ZC3H3: variants seen among roughly 807,000 people sequenced by gnomAD.
ZC3H3 encodes zinc finger CCCH-type containing 3, also known as zinc finger CCCH domain-containing protein 3.
ZC3H3 carries 36 observed loss-of-function variants against 77.3 expected under a neutral mutation model. The ratio of observed to expected loss-of-function variants is 0.47; its 90% CI spans 0.36 to 0.61. The LOEUF (loss-of-function observed/expected upper bound fraction) is 0.61. Among genes scored for constraint, ZC3H3 ranks in the 20% least tolerant of loss-of-function variants. The probability of loss-of-function intolerance (pLI) is 0.00; values close to 1 mark genes in which losing one functional copy is unlikely to be tolerated. For missense variants in ZC3H3, 1,331 were observed against 1,312.2 expected (o/e 1.01, Z -0.22); for synonymous variants, 626 against 555.2 (o/e 1.13, Z -1.79).
Position 143,538,966 on chromosome 8 carries a change from C to T in ZC3H3, c.401G>A (p.Gly134Asp). 1 of 1,613,072 alleles carries T rather than the reference C, an allele frequency of 6.2e-7. No homozygotes were observed. The highest frequency in any genetic ancestry group is 8.5e-7 in the Non-Finnish European group (1 of 1,180,032). ...VIKVKPPSKS[G>D]SASASGAQRG... ...CTGGGCCCCTGAGGCACTGGCAGAG[C>T]CAGACTTTGATGGCGGTTTAACTTT... Residue 134 changes from glycine to aspartate, a missense_variant, in exon 2 of 12, where the codon GGC (glycine) becomes GAC (aspartate). Gly to Asp is a moderately conservative substitution (Grantham distance 94, BLOSUM62 -1). Coordinates refer to ENST00000262577, the MANE Select transcript of ZC3H3 (RefSeq NM_015117.3).
chr8:143,478,503 T>A (rs1276110856), intron 4 of ZC3H3, among the ~76,000 whole-genome samples: 1 of 152,128 alleles, frequency 6.6e-6, no homozygotes, highest in Non-Finnish European at 1.5e-5. Context: ...ATGCCCCCGC[T>A]CCTTCTTATT....
rs752256247 is a variant in ZC3H3 at position 143,536,242 on chromosome 8, C to G, written c.1561+15G>C. 1.4e-5 allele frequency: 22 copies of G among 1,605,972 alleles called. No homozygotes were observed. The highest frequency in any genetic ancestry group is 1.9e-5 in the Non-Finnish European group (22 of 1,178,096). ...GGCCCAGCCCCAGTGCCCAGCGCCCCTGCTCCCAGCATACCTTCCTTGGTG... is the reference window on the plus strand; with the variant it reads ...GGCCCAGCCCCAGTGCCCAGCGCCCGTGCTCCCAGCATACCTTCCTTGGTG... On this transcript the variant is annotated intron_variant, in intron 3 of 11. Coordinates refer to ENST00000262577, the MANE Select transcript of ZC3H3 (RefSeq NM_015117.3).
chr8:143,519,932 C>T (rs942258933), intron 3 of ZC3H3, among the ~76,000 whole-genome samples: 1 of 152,174 alleles, frequency 6.6e-6, no homozygotes, highest in African/African-American at 2.4e-5. Flanking sequence ...CTGCGCCAGC[C>T]CCATGCCATC....
rs2129976051 is a variant in ZC3H3, at chr8:143,493,864, GAATC to G, written c.1715+13878_1715+13881del. 6.6e-6 allele frequency among the ~76,000 whole-genome samples: 1 copy of G among 152,300 alleles called. No individual in the cohort carries two copies. Among genetic ancestry groups the G allele is most frequent in the African/African-American group, 2.4e-5 (1 of 41,548 alleles). On this transcript the variant is annotated intron_variant, in intron 4 of 11. Coordinates refer to ENST00000262577, the MANE Select transcript of ZC3H3 (RefSeq NM_015117.3). This position sits in a 1 kb window ranked among gnomAD's most constrained non-coding sequence, Gnocchi z 4.8. ...TGGTTTAAATTGAAAACCCCCAACT[GAATC>G]AATATTTACTGCATTGAAACGAAAT...
At chr8:143,443,774 C>T (rs1210735730) in intron 9 of ZC3H3, among the ~76,000 whole-genome samples, 1 of 152,174 alleles carries the variant, frequency 6.6e-6, no homozygotes, top group African/African-American at 2.4e-5. Context: ...ACTAAAGATG[C>T]TGCAGATGAT....
At chr8:143,447,588 T>C (rs1292033006) in intron 9 of ZC3H3, among the ~76,000 whole-genome samples, 1 of 152,008 alleles carries the variant, frequency 6.6e-6, no homozygotes, top group Non-Finnish European at 1.5e-5. Context: ...GACTGGGCAA[T>C]GTATAAAGAA....
intron 9 of ZC3H3, among the ~76,000 whole-genome samples, chr8:143,450,283 C>T (rs892328710): frequency 4.6e-5 from 7 of 152,206 alleles, no homozygotes; most frequent in Non-Finnish European, 7.3e-5. Context: ...CAGGTTCGAC[C>T]GATTCTCATG....
At chr8:143,440,900 C>T (rs1273544214) in intron 10 of ZC3H3, 36 bp downstream of exon 10, 2 of 1,365,756 alleles carry the variant, frequency 1.5e-6, no homozygotes, top group Non-Finnish European at 1.9e-6. Flanking sequence ...AGGGGGCCAC[C>T]CAGGCTCACA....
At chr8:143,442,449 A>AGGGGGGGGGG (rs1563831552) in intron 9 of ZC3H3, among the ~76,000 whole-genome samples, 4 of 79,864 alleles carry the variant, frequency 5.0e-5, no homozygotes, top group Admixed American at 4.2e-4. Context: ...GGGGGGGGGC[A>AGGGGGGGGGG]GGGGCAGTGG....
chr8:143,439,937 C>T, intron 11 of ZC3H3, 104 bp downstream of exon 11: 1 of 680,614 alleles, frequency 1.5e-6, no homozygotes, highest in Non-Finnish European at 2.0e-6. Flanking sequence ...CTACCTGAGT[C>T]CTTGCTGAGG....
rs917418895 is a variant in ZC3H3, at chr8:143,493,446, G to A, written c.1715+14300C>T. Among the ~76,000 whole-genome samples the A allele has an allele frequency of 3.9e-5, 6 of 152,184 alleles. No individual in the cohort carries two copies. The highest frequency in any genetic ancestry group is 2.1e-4 in the South Asian group (1 of 4,836). ...TTCCCTACCCCAAACCACCAAGGCC[G>A]AGGCTGCAGGAGGGGTCTGGCCCTC... On this transcript the variant is annotated intron_variant, in intron 4 of 11. Transcript: ENST00000262577. This position sits in a 1 kb window ranked among gnomAD's most constrained non-coding sequence, Gnocchi z 4.8.
chr8:143,510,404 T>C (rs1217024284), intron 3 of ZC3H3, among the ~76,000 whole-genome samples: 1 of 152,198 alleles, frequency 6.6e-6, no homozygotes, highest in Non-Finnish European at 1.5e-5. Context: ...GTCCCTGTCA[T>C]TCCCAGATGG....
chr8:143,535,348 T>G (rs1056912777), intron 3 of ZC3H3, among the ~76,000 whole-genome samples: 1 of 152,122 alleles, frequency 6.6e-6, no homozygotes, highest in Admixed American at 6.5e-5. Context: ...CTTGGCTAGA[T>G]TTCTGAGCAC....
In ZC3H3 at chr8:143,460,765, G is replaced by A. The variant is rs545673237; in HGVS notation, c.2307+4952C>T. Among the ~76,000 whole-genome samples the A allele has an allele frequency of 2.0e-5, 3 of 152,318 alleles. No individual in the cohort carries two copies. The highest frequency in any genetic ancestry group is 7.2e-5 in the African/African-American group (3 of 41,566). On this transcript the variant is annotated intron_variant, in intron 9 of 11. Transcript: ENST00000262577. This position sits in a 1 kb window ranked among gnomAD's most constrained non-coding sequence, Gnocchi z 4.0. ...GTGAACCCTGGAAACATTATGCCGG[G>A]TGAAAGATGCCAGACACCAAAGGAC...
At chr8:143,523,960 GC>G (rs1206725434) in intron 3 of ZC3H3, among the ~76,000 whole-genome samples, 2 of 152,216 alleles carry the variant, frequency 1.3e-5, no homozygotes, top group African/African-American at 4.8e-5. Flanking sequence ...GGCCAGCCAA[GC>G]CCCCGGGGCA....
intron 1 of ZC3H3, among the ~76,000 whole-genome samples, chr8:143,539,665 G>A (rs987132220): frequency 3.3e-5 from 5 of 152,150 alleles, no homozygotes; most frequent in Non-Finnish European, 7.3e-5. Flanking sequence ...GAAGAGAATC[G>A]CAATGATCCC....
chr8:143,485,336 G>A (rs1821023940), intron 4 of ZC3H3, among the ~76,000 whole-genome samples: 1 of 152,216 alleles, frequency 6.6e-6, no homozygotes, highest in South Asian at 2.1e-4. Context: ...AAGGTGGTCT[G>A]GAAGAGTAAG....
rs1348580139 is a variant in ZC3H3, at chr8:143,531,667, A to G, written c.1561+4590T>C. 5.3e-5 allele frequency among the ~76,000 whole-genome samples: 8 copies of G among 152,336 alleles called. No individual in the cohort carries two copies. The South Asian group carries it at 1.7e-3, about 32-fold the overall frequency. ...CTCCTGTTTATGCCTCTCAAATTAA[A>G]TTGCTGATAATATGCGCCAAAATAA... is the stretch of plus-strand genomic sequence containing the variant. On this transcript the variant is annotated intron_variant, in intron 3 of 11. Coordinates refer to ENST00000262577, the MANE Select transcript of ZC3H3 (RefSeq NM_015117.3).
rs1011570586 is a variant in ZC3H3, at chr8:143,469,800, G to C, written c.1904-1141C>G. Among the ~76,000 whole-genome samples the C allele has an allele frequency of 3.9e-5, 6 of 152,334 alleles. No homozygotes were observed. In the South Asian group the frequency reaches 6.2e-4, roughly 16 times the overall value. ...GTGGGCAGGGCAGGACCAGCCTGCT[G>C]AGGGCGGCTTTCCCGGGTTCCTCAA... On this transcript the variant is annotated intron_variant, in intron 5 of 11. Coordinates refer to ENST00000262577, the MANE Select transcript of ZC3H3 (RefSeq NM_015117.3).
Sources: gnomAD v4.1 joint callset for allele counts (sites outside exome capture counted in the v4.1 genomes callset) on GRCh38, gnomAD v4.1.1 for gene constraint, Gnocchi (gnomAD v3.1) non-coding constraint, MANE v1.5 for transcripts, NCBI Gene and HGNC (gene_info 2026-07-23, HGNC 2026-07-21) for gene names.